The following ITFG2 variants were observed in gnomAD, a reference collection of about 807,000 sequenced individuals.
The protein encoded by ITFG2 is KICSTOR complex protein ITFG2.
A neutral mutation model predicts 54.4 loss-of-function variants in ITFG2; 36 were observed. The ratio of observed to expected loss-of-function variants is 0.66; its 90% CI spans 0.51 to 0.87. The LOEUF (loss-of-function observed/expected upper bound fraction) is 0.87, where lower values mean the gene tolerates loss of function less well. Ranked by LOEUF, ITFG2 falls within the 40% of genes least tolerant of loss-of-function variation. The probability of loss-of-function intolerance (pLI) is 0.00; values close to 1 mark genes in which losing one functional copy is unlikely to be tolerated. For missense variants in ITFG2, 524 were observed against 576.7 expected, an observed-to-expected ratio of 0.91 and a Z score of 0.94; for synonymous variants, 211 against 225.4, an observed-to-expected ratio of 0.94 and a Z score of 0.57.
Position 2,821,333 on chromosome 12 carries a change from C to G in ITFG2, c.767C>G (p.Thr256Ser), listed in dbSNP as rs1446075839. The change falls in exon 7 of 12, where the codon ACT becomes AGT. Residue 256 changes from threonine (T) to serine (S), a missense_variant. Coordinates refer to ENST00000228799, the MANE Select transcript of ITFG2 (RefSeq NM_018463.4). The part of the protein sequence containing the change: ...SGRIHNKNVS[T>S]HLIGNIKQGH... ...CGTATCCACAACAAGAATGTCTCCA[C>G]TCACCTAATTGGCAACATCAAACAA... is the stretch of plus-strand genomic sequence containing the variant. 6.2e-7 allele frequency: 1 copy of G among 1,609,358 alleles called. No individual in the cohort carries two copies. Among genetic ancestry groups the G allele is most frequent in the Non-Finnish European group, 8.5e-7 (1 of 1,177,768 alleles).
intron 2 of ITFG2, among the ~76,000 whole-genome samples, chr12:2,844,255 C>CA (rs1168832247): frequency 2.0e-5 from 3 of 151,500 alleles, no homozygotes; most frequent in Non-Finnish European, 4.4e-5. Flanking sequence ...GACCCTGTCT[C>CA]AAAAAAAATA....
downstream of ITFG2, chr12:2,830,072 G>A (rs2097993398): frequency 1.3e-5 from 2 of 151,856 alleles, no homozygotes; most frequent in South Asian, 4.2e-4. Context: ...GCGAGACTCT[G>A]TCTCAAAAAA....
At chr12:2,829,673 G>A (rs1451249258), downstream of ITFG2, among the ~76,000 whole-genome samples, 2 of 152,096 alleles carry the variant, frequency 1.3e-5, no homozygotes, top group African/African-American at 4.8e-5. Flanking sequence ...AGACTGAGGT[G>A]GGAGGATCGC....
At chr12:2,827,239 A>G (rs762639631), downstream of ITFG2, 9 of 1,614,136 alleles carry the variant, frequency 5.6e-6, no homozygotes, top group East Asian at 2.0e-4. The surrounding 1 kb of genome is among the most constrained non-coding windows in gnomAD (Gnocchi z 4.0). Flanking sequence ...AAAGGCAGGA[A>G]GGGTAGCTCT....
chr12:2,839,464 T>C (rs1047693816), intron 1 of ITFG2, among the ~76,000 whole-genome samples: 1 of 152,212 alleles, frequency 6.6e-6, no homozygotes, highest in Non-Finnish European at 1.5e-5. Context: ...TGTCTGTTAT[T>C]CTCTGAAGTG....
chr12:2,854,111 C>G (rs539222575), intron 2 of ITFG2, among the ~76,000 whole-genome samples: 2 of 152,178 alleles, frequency 1.3e-5, no homozygotes, highest in African/African-American at 4.8e-5. Flanking sequence ...CTGCAACCTC[C>G]GCCTCCCAGG....
At chr12:2,827,545 A>G, downstream of ITFG2, 4 of 1,606,806 alleles carry the variant, frequency 2.5e-6, no homozygotes, top group Non-Finnish European at 3.4e-6. This position sits in a 1 kb window ranked among gnomAD's most constrained non-coding sequence, Gnocchi z 4.0. Context: ...CTCTCATCAG[A>G]ACCTGGTCCA....
At chr12:2,814,781 A>G (rs1468625431) in intron 1 of ITFG2, among the ~76,000 whole-genome samples, 2 of 152,288 alleles carry the variant, frequency 1.3e-5, no homozygotes, top group East Asian at 1.9e-4. Flanking sequence ...GCAGTGAGCC[A>G]TGATCACACT....
In ITFG2 at chr12:2,818,207, A is replaced by G. The variant is rs2097928443; in HGVS notation, c.336A>G (p.Gly112=). The stretch of plus-strand genomic sequence containing the variant: ...CTGGGCACCACGAGACACTAATCGG[A>G]GAGGAGCAGCGTCCAGTCTTCAAGC... ...DASGHHETLI[G]EEQRPVFKQH... Residue 112 remains glycine (G), a synonymous_variant, in exon 4 of 12, where the codon GGA becomes GGG. Coordinates refer to ENST00000228799, the MANE Select transcript of ITFG2 (RefSeq NM_018463.4). 2 of 1,614,008 alleles carry G rather than the reference A, an allele frequency of 1.2e-6. No individual in the cohort carries two copies. The highest frequency in any genetic ancestry group is 1.7e-6 in the Non-Finnish European group (2 of 1,179,944).
chr12:2,818,309 A>G (rs1377521559), intron 4 of ITFG2, 32 bp downstream of exon 4: 2 of 1,607,138 alleles, frequency 1.2e-6, no homozygotes, highest in East Asian at 2.2e-5. Flanking sequence ...GGCAGCCAGG[A>G]GAGTAGGAGT....
rs770825251 is a variant in ITFG2, at chr12:2,820,129, T to C, written c.450T>C (p.Arg150=). The C allele has an allele frequency of 1.9e-5, 31 of 1,613,504 alleles. No individual in the cohort carries two copies. The African/African-American group carries it at 3.5e-4, about 18-fold the overall frequency. The part of the protein sequence containing the change: ...CRELVVGYTD[R]VVRAFRWEEL... The stretch of plus-strand genomic sequence containing the variant: ...AGCTGGTGGTGGGCTACACAGACCG[T>C]GTGGTGCGAGCTTTCCGCTGGGAGG... Residue 150 remains arginine, a synonymous_variant, in exon 5 of 12, where the codon CGT becomes CGC. Transcript: ENST00000228799.
Position 2,856,934 on chromosome 12 carries a change from C to A in ITFG2, n.301-1078C>A, listed in dbSNP as rs1342887087. On this transcript the variant is annotated intron_variant and non_coding_transcript_variant, in intron 2 of 3. Transcript: ENST00000537710. ...CAGTGGGGTACAAAAAGGTAGGCGG[C>A]AGAGATGGGCCACCCCCTACCTGCA... The A allele has an allele frequency of 8.5e-6, 6 of 703,028 alleles. No homozygotes were observed. The Admixed American group carries it at 1.2e-4, about 14-fold the overall frequency. 43.5% of individuals were successfully genotyped at this position (703,028 alleles called of 1,614,324 possible). A position where few individuals can be genotyped will look rare whatever the true frequency, so the allele number is the denominator to read the frequency against.
chr12:2,841,338 C>T (rs4766000), intron 2 of ITFG2, among the ~76,000 whole-genome samples: 35,180 of 152,126 alleles, frequency 0.23, 5,146 homozygotes, highest in Non-Finnish European at 0.33. Context: ...TTCTCAGACT[C>T]GCCAGAGGGC....
intron 9 of ITFG2, 125 bp downstream of exon 9, chr12:2,821,917 CTTTTTTTTTTTTCCT>C: frequency 4.5e-6 from 2 of 446,124 alleles, no homozygotes; most frequent in South Asian, 3.3e-5. Context: ...GTCTCTGTCT[CTTTTTTTTTTTTCCT>C]TTTTTTTTTT....
At chr12:2,855,175 G>A (rs1317271969) in intron 2 of ITFG2, 2 of 1,515,244 alleles carry the variant, frequency 1.3e-6, no homozygotes, top group Admixed American at 4.0e-5. Flanking sequence ...GCTATCGTAG[G>A]GCCTGTCAGG....
intron 2 of ITFG2, chr12:2,854,890 TCTTA>T (rs1356607498): frequency 1.2e-5 from 18 of 1,529,216 alleles, no homozygotes; most frequent in East Asian, 2.5e-5. Flanking sequence ...GGAGGCACCG[TCTTA>T]CTTCTTGAAG....
At chr12:2,828,073 G>T, downstream of ITFG2, 1 of 1,591,262 alleles carries the variant, frequency 6.3e-7, no homozygotes, top group Non-Finnish European at 8.6e-7. Context: ...AAGGGTTATG[G>T]CTACCACAGC....
intron 4 of ITFG2, chr12:2,818,505 G>A (rs1248037065): frequency 2.7e-5 from 20 of 735,978 alleles, no homozygotes; most frequent in Non-Finnish European, 2.1e-6. Flanking sequence ...AAACAGAAAA[G>A]AAACAATATA....
chr12:2,818,695 G>T (rs1033037010), intron 4 of ITFG2: 1 of 251,914 alleles, frequency 4.0e-6, no homozygotes, highest in African/African-American at 2.2e-5. Context: ...TATACATTTT[G>T]TAAGATAATT....
Sources: gnomAD v4.1 joint callset for allele counts (sites outside exome capture counted in the v4.1 genomes callset) on GRCh38, gnomAD v4.1.1 for gene constraint, Gnocchi (gnomAD v3.1) non-coding constraint, MANE v1.5 for transcripts, NCBI Gene and HGNC (gene_info 2026-07-23, HGNC 2026-07-21) for gene names.